CTNNA3: variants seen among roughly 807,000 people sequenced by gnomAD.
The protein encoded by CTNNA3 is catenin alpha 3, also known as catenin alpha-3.
CTNNA3 carries 76 observed loss-of-function variants against 95.7 expected under a neutral mutation model. The ratio of observed to expected loss-of-function variants is 0.79; its 90% CI spans 0.66 to 0.96. The LOEUF is 0.96. Among genes scored for constraint, CTNNA3 ranks in the 40% least tolerant of loss-of-function variants. The probability of loss-of-function intolerance (pLI) is 0.00; values close to 1 mark genes in which losing one functional copy is unlikely to be tolerated. For missense variants in CTNNA3, 1,191 were observed against 1,089.8 expected, an observed-to-expected ratio of 1.09 and a Z score of -1.31; for synonymous variants, 431 against 374.4, an observed-to-expected ratio of 1.15 and a Z score of -1.74.
chr10:66,831,003 C>G (rs986141101), intron 7 of CTNNA3, among the ~76,000 whole-genome samples: 1 of 152,128 alleles, frequency 6.6e-6, no homozygotes, highest in East Asian at 1.9e-4. Context: ...TAAATGACAG[C>G]TTTAAAGACA....
chr10:67,608,704 G>GA, intron 2 of CTNNA3, among the ~76,000 whole-genome samples: 1 of 152,052 alleles, frequency 6.6e-6, no homozygotes, highest in Non-Finnish European at 1.5e-5. Flanking sequence ...ACAAATACAA[G>GA]AACAAACTCA....
chr10:66,926,768 A>G (rs1341913031), intron 7 of CTNNA3, among the ~76,000 whole-genome samples: 1 of 152,220 alleles, frequency 6.6e-6, no homozygotes, highest in African/African-American at 2.4e-5. Flanking sequence ...AACACTAAAG[A>G]CAATTCTCTT....
At chr10:67,742,539 A>G (rs1841346659) in intron 1 of CTNNA3, among the ~76,000 whole-genome samples, 1 of 151,244 alleles carries the variant, frequency 6.6e-6, no homozygotes, top group African/African-American at 2.4e-5. Flanking sequence ...AATGCCCACA[A>G]GAGAAAGCAG....
chr10:65,993,669 T>C (rs2078589822), intron 15 of CTNNA3, among the ~76,000 whole-genome samples: 1 of 152,168 alleles, frequency 6.6e-6, no homozygotes, highest in South Asian at 2.1e-4. Flanking sequence ...AGGCAGCAGA[T>C]AGTTGGGTCA....
chr10:66,918,819 T>TAGAGAG (rs553999408), intron 7 of CTNNA3, among the ~76,000 whole-genome samples: 1 of 150,210 alleles, frequency 6.7e-6, no homozygotes, highest in Non-Finnish European at 1.5e-5. Flanking sequence ...GATAGATAAA[T>TAGAGAG]AGAGAGAGAG....
chr10:67,377,402 T>G (rs2132720498), intron 5 of CTNNA3, among the ~76,000 whole-genome samples: 1 of 152,324 alleles, frequency 6.6e-6, no homozygotes, highest in African/African-American at 2.4e-5. Context: ...CTTTTCAGTT[T>G]AGCATTTCCT....
At position 66,298,033 on chromosome 10, in the gene CTNNA3, T is replaced by A. The variant is rs116066479; in HGVS notation, c.1733-17412A>T. The stretch of plus-strand genomic sequence containing the variant: ...CCATAATTTGTAATAAACTGCATAT[T>A]TAATTAACCAGTTAGGAGGCTATTT... On this transcript the variant is annotated intron_variant, in intron 12 of 17. Coordinates refer to ENST00000433211, the MANE Select transcript of CTNNA3 (RefSeq NM_013266.4). Among the ~76,000 whole-genome samples the A allele has an allele frequency of 2.5e-3, 378 of 152,344 alleles. 3 individuals carry two copies. The highest frequency in any genetic ancestry group is 8.8e-3 in the African/African-American group (365 of 41,580).
Position 67,027,724 on chromosome 10 carries a change from C to T in CTNNA3, c.1047+152593G>A, listed in dbSNP as rs373660146. Reference sequence around the variant, plus strand: ...GATTACAGGCATGAGCCACCGTGCCCGGCTGACATTTTCATATAATTGTCC... The same window carrying T: ...GATTACAGGCATGAGCCACCGTGCCTGGCTGACATTTTCATATAATTGTCC... On this transcript the variant is annotated intron_variant, in intron 7 of 17. Coordinates refer to ENST00000433211, the MANE Select transcript of CTNNA3 (RefSeq NM_013266.4). 1.4e-4 allele frequency among the ~76,000 whole-genome samples: 21 copies of T among 152,108 alleles called. No individual in the cohort carries two copies. The East Asian group carries it at 2.3e-3, about 17-fold the overall frequency.
chr10:67,111,160 A>G (rs559844869), intron 7 of CTNNA3, among the ~76,000 whole-genome samples: 1 of 152,308 alleles, frequency 6.6e-6, no homozygotes, highest in Non-Finnish European at 1.5e-5. Flanking sequence ...TATATAGCAT[A>G]TGACATACAC....
At chr10:66,557,419 G>A (rs1842424833) in intron 10 of CTNNA3, among the ~76,000 whole-genome samples, 1 of 152,038 alleles carries the variant, frequency 6.6e-6, no homozygotes, top group Non-Finnish European at 1.5e-5. Flanking sequence ...TTCCATACAT[G>A]CTCTGATATG....
chr10:67,743,542 A>T (rs954921488), intron 1 of CTNNA3, among the ~76,000 whole-genome samples: 10 of 151,432 alleles, frequency 6.6e-5, no homozygotes, highest in African/African-American at 2.4e-4. Context: ...CACAGCCAAT[A>T]TCATAATGAA....
intron 1 of CTNNA3, among the ~76,000 whole-genome samples, chr10:67,657,654 T>G (rs1043952539): frequency 6.6e-6 from 1 of 151,964 alleles, no homozygotes; most frequent in Non-Finnish European, 1.5e-5. Context: ...GAGACCAGCC[T>G]GGCCAACATA....
intron 15 of CTNNA3, among the ~76,000 whole-genome samples, chr10:65,999,927 CAAA>C (rs34353272): frequency 1.4e-4 from 18 of 127,810 alleles, no homozygotes; most frequent in Admixed American, 2.3e-4. Flanking sequence ...CAATAATAAT[CAAA>C]AAAAAAAAAA....
intron 3 of CTNNA3, among the ~76,000 whole-genome samples, chr10:67,576,952 A>G (rs1273953544): frequency 7.2e-6 from 1 of 138,274 alleles, no homozygotes; most frequent in Non-Finnish European, 1.5e-5. Flanking sequence ...CCAGTCTATC[A>G]TTGTTGGACA....
chr10:66,069,266 T>C (rs1001675989), intron 15 of CTNNA3, 42 bp downstream of exon 15: 4 of 1,576,070 alleles, frequency 2.5e-6, no homozygotes, highest in Non-Finnish European at 3.5e-6. Context: ...ACTAATATTT[T>C]CAGCCATTAT....
chr10:66,807,370 G>C (rs1338179874), intron 7 of CTNNA3, among the ~76,000 whole-genome samples: 2 of 152,230 alleles, frequency 1.3e-5, no homozygotes, highest in African/African-American at 4.8e-5. Context: ...AGTGACGTAT[G>C]TTGAAGCATG....
intron 7 of CTNNA3, among the ~76,000 whole-genome samples, chr10:66,861,010 C>T (rs773440277): frequency 6.6e-6 from 1 of 152,118 alleles, no homozygotes; most frequent in Non-Finnish European, 1.5e-5. Flanking sequence ...CAGGGATACC[C>T]TGAAAATGTG....
At chr10:67,673,091 G>A (rs1236363853) in intron 1 of CTNNA3, among the ~76,000 whole-genome samples, 1 of 151,974 alleles carries the variant, frequency 6.6e-6, no homozygotes, top group East Asian at 1.9e-4. Flanking sequence ...TTGTAAGTTG[G>A]ATTCCCAGGT....
intron 5 of CTNNA3, among the ~76,000 whole-genome samples, chr10:67,319,848 A>T (rs995860781): frequency 6.9e-6 from 1 of 145,858 alleles, no homozygotes; most frequent in African/African-American, 2.6e-5. Flanking sequence ...GTGAGCTGAG[A>T]CTGCTCCACT....
Sources: gnomAD v4.1 joint callset for allele counts (sites outside exome capture counted in the v4.1 genomes callset) on GRCh38, gnomAD v4.1.1 for gene constraint, MANE v1.5 for transcripts, NCBI Gene and HGNC (gene_info 2026-07-23, HGNC 2026-07-21) for gene names.